The following PSTPIP2 variants were observed in gnomAD, a reference collection of about 807,000 sequenced individuals.
PSTPIP2 encodes proline-serine-threonine phosphatase interacting protein 2.
A neutral mutation model predicts 63.3 loss-of-function variants in PSTPIP2; 33 were observed. That is an observed-to-expected ratio of 0.52 (90% confidence interval 0.40 to 0.70). The LOEUF (loss-of-function observed/expected upper bound fraction) is 0.70. Ranked by LOEUF, PSTPIP2 falls within the 30% of genes least tolerant of loss-of-function variation. PSTPIP2 has a pLI of 0.00. For synonymous variants in PSTPIP2, 125 were observed against 132.7 expected (o/e 0.94, Z 0.40); for missense variants, 312 against 400.7 (o/e 0.78, Z 1.89).
intron 1 of PSTPIP2, among the ~76,000 whole-genome samples, chr18:46,061,522 A>G (rs1908992650): frequency 6.6e-6 from 1 of 152,190 alleles, no homozygotes; most frequent in African/African-American, 2.4e-5. Context: ...CTGCCAGCCA[A>G]GATAGTGGCT....
rs2051450689 is a variant in PSTPIP2 at position 45,984,722 on chromosome 18, C to A, written c.*737G>T. 6.6e-6 allele frequency: 1 copy of A among 152,194 alleles called. No homozygotes were observed. Among genetic ancestry groups the A allele is most frequent in the African/African-American group, 2.4e-5 (1 of 41,430 alleles). The allele number at this position is 152,194 out of a possible 1,614,324, so 9.4% of individuals were successfully genotyped here. On this transcript the variant is annotated 3_prime_UTR_variant, in exon 15 of 15. Transcript: ENST00000409746. ...ACATCATGCTCTGTAGTTCAGCATACACAGGGATCCACATAAAAATAAATC... is the reference window on the plus strand; with the variant it reads ...ACATCATGCTCTGTAGTTCAGCATAAACAGGGATCCACATAAAAATAAATC...
At chr18:45,987,069 T>C (rs979621661) in intron 14 of PSTPIP2, among the ~76,000 whole-genome samples, 2 of 152,104 alleles carry the variant, frequency 1.3e-5, no homozygotes, top group African/African-American at 2.4e-5. Flanking sequence ...ATTAGGCTGG[T>C]CTCAAGTGAT....
intron 2 of PSTPIP2, among the ~76,000 whole-genome samples, chr18:46,025,352 A>C (rs1907538731): frequency 6.6e-6 from 1 of 152,186 alleles, no homozygotes; most frequent in South Asian, 2.1e-4. Flanking sequence ...AGACTGTAAC[A>C]CCACAAAGGT....
chr18:46,057,473 G>A (rs1317370166), intron 1 of PSTPIP2, among the ~76,000 whole-genome samples: 2 of 151,414 alleles, frequency 1.3e-5, no homozygotes, highest in African/African-American at 2.4e-5. Context: ...GATTACAGGC[G>A]AGCGCCACCA....
At chr18:46,065,490 G>A (rs1176413775) in intron 1 of PSTPIP2, among the ~76,000 whole-genome samples, 1 of 151,648 alleles carries the variant, frequency 6.6e-6, no homozygotes, top group Non-Finnish European at 1.5e-5. Context: ...GTTTTGAGAC[G>A]GAGTCTCACT....
chr18:46,014,245 C>T (rs1446215930), intron 4 of PSTPIP2, among the ~76,000 whole-genome samples: 1 of 152,062 alleles, frequency 6.6e-6, no homozygotes, highest in Non-Finnish European at 1.5e-5. Flanking sequence ...TAGTCTTGAA[C>T]TCCTGACCTC....
intron 3 of PSTPIP2, among the ~76,000 whole-genome samples, chr18:46,023,180 T>C (rs954611579): frequency 1.3e-5 from 2 of 152,198 alleles, no homozygotes; most frequent in Non-Finnish European, 2.9e-5. Context: ...GCTTAATACC[T>C]GGGCGATGAA....
At chr18:46,051,083 C>T (rs1444997270) in intron 1 of PSTPIP2, among the ~76,000 whole-genome samples, 2 of 152,120 alleles carry the variant, frequency 1.3e-5, no homozygotes, top group South Asian at 2.1e-4. Flanking sequence ...AGGCTGGTCT[C>T]GTACTCCTGA....
At chr18:46,057,244 G>A (rs192801510) in intron 1 of PSTPIP2, among the ~76,000 whole-genome samples, 67 of 152,210 alleles carry the variant, frequency 4.4e-4, no homozygotes, top group Non-Finnish European at 8.1e-4. Flanking sequence ...CTCCCTCAGA[G>A]AAAAGATTGC....
At chr18:46,014,735 T>C (rs867100619) in intron 4 of PSTPIP2, among the ~76,000 whole-genome samples, 1 of 152,014 alleles carries the variant, frequency 6.6e-6, no homozygotes, top group South Asian at 2.1e-4. Context: ...TAAACAGATA[T>C]GAAACTTCCT....
At chr18:46,015,791 AT>A (rs2144087344) in intron 4 of PSTPIP2, 111 bp downstream of exon 4, 101 of 1,239,704 alleles carry the variant, frequency 8.1e-5, no homozygotes, top group Non-Finnish European at 8.8e-5. Flanking sequence ...AGTTGCTCTA[AT>A]TTTTTTTCAC....
chr18:46,030,850 G>C (rs1217407038), intron 2 of PSTPIP2, among the ~76,000 whole-genome samples: 1 of 152,112 alleles, frequency 6.6e-6, no homozygotes, highest in Non-Finnish European at 1.5e-5. Flanking sequence ...TGTTCCACTG[G>C]CTTCTGTCAT....
intron 1 of PSTPIP2, among the ~76,000 whole-genome samples, chr18:46,060,397 C>T (rs998902385): frequency 6.6e-6 from 1 of 152,172 alleles, no homozygotes; most frequent in South Asian, 2.1e-4. Flanking sequence ...ACAACTATGA[C>T]GTACTTTATC....
At chr18:46,056,829 C>T (rs755499007) in intron 1 of PSTPIP2, among the ~76,000 whole-genome samples, 1 of 151,896 alleles carries the variant, frequency 6.6e-6, no homozygotes, top group African/African-American at 2.4e-5. Context: ...TGGCCAGATG[C>T]GGTGGCTCAC....
chr18:45,998,985 T>A lies in PSTPIP2; in HGVS notation c.517-146A>T, dbSNP rs1395863256. 2.1e-5 allele frequency: 16 copies of A among 762,222 alleles called. No homozygotes were observed. In the Admixed American group the frequency reaches 2.8e-4, roughly 14 times the overall value. 47.2% of individuals were successfully genotyped at this position (762,222 alleles called of 1,614,324 possible). ...TGTGTACATTTCCCTCATGAGCAAA[T>A]CATTCAACGTGCCCTGCAATCTTAT... On this transcript the variant is annotated intron_variant, in intron 7 of 14. Transcript: ENST00000409746.
chr18:46,035,568 C>G (rs1185371296), intron 2 of PSTPIP2, among the ~76,000 whole-genome samples: 1 of 152,014 alleles, frequency 6.6e-6, no homozygotes, highest in African/African-American at 2.4e-5. Context: ...GACGTACAGG[C>G]AGAGACATCC....
At chr18:46,034,148 A>G (rs1438972736) in intron 2 of PSTPIP2, among the ~76,000 whole-genome samples, 2 of 152,172 alleles carry the variant, frequency 1.3e-5, no homozygotes, top group Admixed American at 6.5e-5. Context: ...CAGGTTGACC[A>G]TGGGACGTAC....
intron 4 of PSTPIP2, among the ~76,000 whole-genome samples, chr18:46,011,973 A>G (rs2051801211): frequency 6.6e-6 from 1 of 152,270 alleles, no homozygotes; most frequent in Admixed American, 6.5e-5. Flanking sequence ...GTTAAAAGAT[A>G]CATGACAAAC....
At chr18:46,071,739 G>T (rs1286678343) in intron 1 of PSTPIP2, among the ~76,000 whole-genome samples, 1 of 152,222 alleles carries the variant, frequency 6.6e-6, no homozygotes, top group African/African-American at 2.4e-5. Context: ...TCCAGGGACC[G>T]GCAGAGACTC....
Sources: allele counts gnomAD v4.1 joint callset (sites outside exome capture counted in the v4.1 genomes callset), GRCh38; gene constraint gnomAD v4.1.1; transcripts MANE v1.5; gene names NCBI Gene and HGNC (gene_info 2026-07-23, HGNC 2026-07-21).